Variants in FOXP1 observed in about 807,000 individuals in gnomAD.
FOXP1 encodes the protein forkhead box protein P1.
Under a neutral mutation model 98.2 loss-of-function variants are expected in FOXP1, and 15 were observed. The observed-to-expected ratio is 0.15, with a 90% CI of 0.10 to 0.24. The LOEUF is 0.24. FOXP1 is among the 10% of genes least tolerant of loss of function. FOXP1 has a pLI of 1.00. For synonymous variants in FOXP1, 371 were observed against 314.5 expected, an observed-to-expected ratio of 1.18 and a Z score of -1.90; for missense variants, 633 against 848.5, an observed-to-expected ratio of 0.75 and a Z score of 3.15.
intron 2 of FOXP1, among the ~76,000 whole-genome samples, chr3:71,530,742 T>G (rs2043774248): frequency 6.6e-6 from 1 of 152,136 alleles, no homozygotes; most frequent in South Asian, 2.1e-4. Context: ...ATTGTTCCAG[T>G]TTTACAACCA....
At chr3:71,542,192 A>C (rs947425083) in intron 2 of FOXP1, 5 of 384,082 alleles carry the variant, frequency 1.3e-5, no homozygotes, top group Admixed American at 7.9e-5. Context: ...TGTTTTTCAT[A>C]TGGCACATAA....
chr3:70,979,484 G>A (rs550236984), intron 14 of FOXP1, among the ~76,000 whole-genome samples: 4 of 151,988 alleles, frequency 2.6e-5, no homozygotes, highest in Admixed American at 6.5e-5. Flanking sequence ...TGTTTTCAGC[G>A]TATGTATTAC....
intron 4 of FOXP1, among the ~76,000 whole-genome samples, chr3:71,355,826 C>G (rs2078114607): frequency 6.6e-6 from 1 of 152,136 alleles, no homozygotes; most frequent in African/African-American, 2.4e-5. Context: ...TGGTGTGACT[C>G]TTACCCGTCT....
chr3:71,299,634 T>G (rs560268766), intron 5 of FOXP1, among the ~76,000 whole-genome samples, 186 bp downstream of exon 5: 2 of 152,218 alleles, frequency 1.3e-5, no homozygotes, highest in Non-Finnish European at 1.5e-5. Context: ...AATGTGAACC[T>G]GTAGACCATT....
At chr3:71,554,554 A>G (rs2045991319) in intron 2 of FOXP1, among the ~76,000 whole-genome samples, 1 of 152,318 alleles carries the variant, frequency 6.6e-6, no homozygotes, top group African/African-American at 2.4e-5. Flanking sequence ...AAATCAAACT[A>G]TTATTGGTAT....
chr3:71,068,989 C>A (rs1318980325), intron 7 of FOXP1, among the ~76,000 whole-genome samples: 1 of 152,212 alleles, frequency 6.6e-6, no homozygotes, highest in African/African-American at 2.4e-5. Flanking sequence ...AGTGCTTTTA[C>A]TTAAAAATAT....
chr3:70,973,524 G>C (rs894348747), intron 17 of FOXP1, among the ~76,000 whole-genome samples: 1 of 152,088 alleles, frequency 6.6e-6, no homozygotes, highest in Non-Finnish European at 1.5e-5. Flanking sequence ...AGGGTGAAGA[G>C]CTTTTAATAT....
chr3:71,012,315 T>G (rs914285373), intron 12 of FOXP1, among the ~76,000 whole-genome samples: 1 of 152,176 alleles, frequency 6.6e-6, no homozygotes, highest in Non-Finnish European at 1.5e-5. Flanking sequence ...TATATAAATA[T>G]GATTAGGCAA....
intron 2 of FOXP1, among the ~76,000 whole-genome samples, chr3:71,530,973 A>C (rs1560614214): frequency 6.6e-6 from 1 of 152,232 alleles, no homozygotes; most frequent in African/African-American, 2.4e-5. Flanking sequence ...ATGGAAATGG[A>C]AGTAGATCAT....
chr3:70,979,262 A>T (rs1559625740), intron 14 of FOXP1, among the ~76,000 whole-genome samples: 1 of 123,424 alleles, frequency 8.1e-6, no homozygotes, highest in Admixed American at 8.9e-5. Flanking sequence ...CCTGGGTGAT[A>T]GAGTGAGACT....
intron 3 of FOXP1, among the ~76,000 whole-genome samples, chr3:71,471,575 A>G (rs949694659): frequency 1.3e-5 from 2 of 152,318 alleles, no homozygotes; most frequent in African/African-American, 2.4e-5. Flanking sequence ...AGGCAAAACT[A>G]TAACAATGTT....
At chr3:70,974,801 T>C (rs1451705709) in intron 17 of FOXP1, among the ~76,000 whole-genome samples, 8 of 152,128 alleles carry the variant, frequency 5.3e-5, no homozygotes, top group Non-Finnish European at 1.5e-5. Flanking sequence ...AAAATAAGTA[T>C]CAAAATGTAC....
At chr3:71,272,433 G>T (rs551704322) in intron 5 of FOXP1, among the ~76,000 whole-genome samples, 1 of 152,060 alleles carries the variant, frequency 6.6e-6, no homozygotes, top group African/African-American at 2.4e-5. Flanking sequence ...TGCTCCCATG[G>T]GTCTTGCAAT....
chr3:71,323,509 C>T (rs1397517107), intron 4 of FOXP1, among the ~76,000 whole-genome samples: 1 of 152,096 alleles, frequency 6.6e-6, no homozygotes, highest in Non-Finnish European at 1.5e-5. Flanking sequence ...AATATGATAA[C>T]TTCTGTCCCA....
intron 2 of FOXP1, among the ~76,000 whole-genome samples, chr3:71,530,279 G>A (rs889645285): frequency 3.9e-5 from 6 of 152,156 alleles, no homozygotes; most frequent in Non-Finnish European, 8.8e-5. Flanking sequence ...GTTCATTACT[G>A]AGAGTGGGAT....
intron 5 of FOXP1, among the ~76,000 whole-genome samples, chr3:71,262,264 C>CAAAAAAAAAAAAAAAAAA (rs71104433): frequency 3.9e-5 from 1 of 25,698 alleles, no homozygotes; most frequent in Non-Finnish European, 6.9e-5. Context: ...GACTCTGTCA[C>CAAAAAAAAAAAAAAAAAA]AAAAAAAAAA....
chr3:71,073,596 G>A (rs1265054833), intron 7 of FOXP1, among the ~76,000 whole-genome samples: 1 of 152,138 alleles, frequency 6.6e-6, no homozygotes, highest in African/African-American at 2.4e-5. Flanking sequence ...TATATTATCC[G>A]CATTTCCTCA....
chr3:71,157,488 A>C (rs1448269699), intron 6 of FOXP1, among the ~76,000 whole-genome samples: 2 of 152,242 alleles, frequency 1.3e-5, no homozygotes, highest in Non-Finnish European at 2.9e-5. Context: ...ATTAAAGTCA[A>C]ATCATTAAAT....
intron 2 of FOXP1, among the ~76,000 whole-genome samples, chr3:71,522,513 T>C (rs1015862684): frequency 6.6e-6 from 1 of 152,166 alleles, no homozygotes; most frequent in African/African-American, 2.4e-5. Flanking sequence ...GAATTGACTT[T>C]CCTGATTCTC....
Sources: allele counts gnomAD v4.1 joint callset (sites outside exome capture counted in the v4.1 genomes callset), GRCh38; gene constraint gnomAD v4.1.1; transcripts MANE v1.5; gene names NCBI Gene and HGNC (gene_info 2026-07-23, HGNC 2026-07-21).